GLI3: variants seen among roughly 807,000 people sequenced by gnomAD.
GLI3 encodes the protein GLI family zinc finger 3.
A neutral mutation model predicts 100.8 loss-of-function variants in GLI3; 20 were observed. That is an observed-to-expected ratio of 0.20 (90% CI 0.14 to 0.29). The LOEUF is 0.29. Among genes scored for constraint, GLI3 ranks in the 10% least tolerant of loss-of-function variants. GLI3 has a pLI of 1.00. For missense variants in GLI3, 2,040 were observed against 2,128.5 expected (o/e 0.96, Z 0.82); for synonymous variants, 938 against 860.5 (o/e 1.09, Z -1.58).
chr7:42,022,136 CCATA>C (rs1788961242), intron 10 of GLI3, among the ~76,000 whole-genome samples: 1 of 151,996 alleles, frequency 6.6e-6, no homozygotes, highest in Non-Finnish European at 1.5e-5. Flanking sequence ...ATAATTCTTC[CCATA>C]CAATTACCAG....
chr7:41,997,123 T>A (rs972292932), intron 10 of GLI3, among the ~76,000 whole-genome samples: 1 of 152,200 alleles, frequency 6.6e-6, no homozygotes, highest in Admixed American at 6.5e-5. Flanking sequence ...ATATAAAATA[T>A]ATTTTTTAAT....
rs11974012 is a variant in GLI3, at chr7:42,045,190, G to A, written c.826+194C>T. Among the ~76,000 whole-genome samples the A allele has an allele frequency of 5.9e-3, 905 of 152,214 alleles. 6 individuals carry two copies. The highest frequency in any genetic ancestry group is 0.02 in the African/African-American group (838 of 41,514). ...TTCACTGGTATCCTTGAGCTAAACA[G>A]GGGGTCTCAGGATGTCCAAATCTGT... On this transcript the variant is annotated intron_variant, in intron 6 of 14. Transcript: ENST00000395925.
intron 3 of GLI3, among the ~76,000 whole-genome samples, chr7:42,136,585 A>G (rs1786433526): frequency 2.0e-5 from 3 of 152,162 alleles, no homozygotes; most frequent in African/African-American, 4.8e-5. Context: ...CCCATTTTTA[A>G]CTTCTAGGTA....
intron 3 of GLI3, among the ~76,000 whole-genome samples, chr7:42,113,176 C>T (rs936202693): frequency 6.6e-6 from 1 of 151,882 alleles, no homozygotes; most frequent in Admixed American, 6.6e-5. Flanking sequence ...GACTCTGTCT[C>T]AAAAATAAAT....
chr7:42,023,428 C>T, intron 10 of GLI3, 40 bp downstream of exon 10: 1 of 1,611,262 alleles, frequency 6.2e-7, no homozygotes. Flanking sequence ...GAAAGTGTCA[C>T]AGAGCTGTAA....
intron 1 of GLI3, among the ~76,000 whole-genome samples, chr7:42,242,898 A>G (rs771263468): frequency 3.7e-4 from 56 of 152,312 alleles, no homozygotes; most frequent in Non-Finnish European, 6.9e-4. Flanking sequence ...GGGGCCACCC[A>G]CCTGGGAATA....
At chr7:42,013,329 G>T (rs538341409) in intron 10 of GLI3, among the ~76,000 whole-genome samples, 1 of 152,146 alleles carries the variant, frequency 6.6e-6, no homozygotes, top group South Asian at 2.1e-4. Flanking sequence ...TAGATGTATG[G>T]AACTATTTGC....
At chr7:42,004,052 G>A (rs1020671350) in intron 10 of GLI3, among the ~76,000 whole-genome samples, 1 of 152,162 alleles carries the variant, frequency 6.6e-6, no homozygotes, top group Non-Finnish European at 1.5e-5. Context: ...CAAACAGTCA[G>A]TAAAGTAACT....
intron 3 of GLI3, among the ~76,000 whole-genome samples, chr7:42,143,712 A>G (rs1786629384): frequency 6.6e-6 from 1 of 152,260 alleles, no homozygotes; most frequent in African/African-American, 2.4e-5. Context: ...TTAGCAACCA[A>G]TAGTTCTGTC....
In GLI3 at chr7:41,967,618, C is replaced by T. The variant is rs138416748; in HGVS notation, c.2409G>A (p.Ala803=). The T allele has an allele frequency of 4.2e-5, 68 of 1,613,230 alleles. No homozygotes were observed. Among genetic ancestry groups the T allele is most frequent in the Middle Eastern group, 1.7e-4 (1 of 5,868 alleles). Residue 803 remains alanine, a synonymous_variant, in exon 14 of 15, where the codon GCG becomes GCA. Transcript: ENST00000395925. ...LNPILPPKAP[A]VSPLIGNGTQ... is the part of the protein sequence containing the mutation. ...CACCATTTCCTATGAGAGGAGAGAC[C>T]GCAGGGGCTTTAGGGGGTAGAATGG...
At position 42,211,119 on chromosome 7, in the gene GLI3, T is replaced by C. The variant is rs549656872; in HGVS notation, c.124+12011A>G. Reference sequence around the variant, plus strand: ...AAAATATTCTAATTTTGTACGAAACTGATCAAAGAAAGTGCTTTGAATTTA... The same window carrying C: ...AAAATATTCTAATTTTGTACGAAACCGATCAAAGAAAGTGCTTTGAATTTA... On this transcript the variant is annotated intron_variant, in intron 2 of 14. Coordinates refer to ENST00000395925, the MANE Select transcript of GLI3 (RefSeq NM_000168.6). Among the ~76,000 whole-genome samples, 633 of 152,338 alleles carry C rather than the reference T, an allele frequency of 4.2e-3. 8 individuals carry two copies. Among genetic ancestry groups the C allele is most frequent in the African/African-American group, 0.014 (600 of 41,582 alleles).
intron 3 of GLI3, among the ~76,000 whole-genome samples, chr7:42,098,789 G>A (rs1426294530): frequency 6.6e-6 from 1 of 152,080 alleles, no homozygotes; most frequent in Non-Finnish European, 1.5e-5. Flanking sequence ...AGAGAAAACG[G>A]AAATAAAATG....
intron 1 of GLI3, among the ~76,000 whole-genome samples, chr7:42,260,752 T>A (rs1789129587): frequency 6.6e-6 from 1 of 152,166 alleles, no homozygotes; most frequent in Admixed American, 6.5e-5. Context: ...TGAAATGAAG[T>A]GAACATGGCA....
At chr7:42,238,022 C>T (rs1237187978), upstream of GLI3, among the ~76,000 whole-genome samples, 159 of 133,296 alleles carry the variant, frequency 1.2e-3, 1 homozygote, top group African/African-American at 4.9e-3. Flanking sequence ...TCCTCCTCCT[C>T]CTTCTCCTCC....
intron 10 of GLI3, among the ~76,000 whole-genome samples, chr7:42,020,236 C>T (rs538608461): frequency 4.1e-4 from 63 of 152,278 alleles, no homozygotes; most frequent in African/African-American, 1.4e-3. Context: ...GTTTCTAATT[C>T]TCTTCTTCAA....
In GLI3 at chr7:41,962,195, C is replaced by T. The variant is rs1037094048; in HGVS notation, c.*2135G>A. On this transcript the variant is annotated 3_prime_UTR_variant, in exon 15 of 15. Transcript: ENST00000395925. ...CTGATGGAGGAGGTCAGCATGGTCC[C>T]TTCCACCCAAGCTCCTTTCTTAGGA... 3.3e-5 allele frequency: 5 copies of T among 152,178 alleles called. No individual in the cohort carries two copies. Among genetic ancestry groups the T allele is most frequent in the African/African-American group, 1.2e-4 (5 of 41,428 alleles). The allele number at this position is 152,178 out of a possible 1,614,324, so 9.4% of individuals were successfully genotyped here.
At chr7:42,053,501 C>T (rs1583513562) in intron 4 of GLI3, among the ~76,000 whole-genome samples, 1 of 152,170 alleles carries the variant, frequency 6.6e-6, no homozygotes, top group East Asian at 1.9e-4. Context: ...ATATATTTTC[C>T]TACAAACTAT....
At chr7:42,080,760 T>C (rs1765832897) in intron 3 of GLI3, among the ~76,000 whole-genome samples, 1 of 152,166 alleles carries the variant, frequency 6.6e-6, no homozygotes, top group African/African-American at 2.4e-5. Context: ...CCTCAAACGT[T>C]GAGTACTTGC....
chr7:42,255,962 C>T (rs539400535), intron 1 of GLI3, among the ~76,000 whole-genome samples: 2 of 152,300 alleles, frequency 1.3e-5, no homozygotes, highest in African/African-American at 4.8e-5. Flanking sequence ...TCCATATTCT[C>T]ACCCACACTT....
Sources: allele counts gnomAD v4.1 joint callset (sites outside exome capture counted in the v4.1 genomes callset), GRCh38; gene constraint gnomAD v4.1.1; transcripts MANE v1.5; gene names NCBI Gene and HGNC (gene_info 2026-07-23, HGNC 2026-07-21).